Variants in PTPRM observed in about 807,000 individuals in gnomAD.
PTPRM encodes receptor-type tyrosine-protein phosphatase mu.
In PTPRM, 47 loss-of-function variants were observed where a neutral mutation model predicts 186.7. The observed-to-expected ratio is 0.25, with a 90% CI of 0.20 to 0.32. The LOEUF is 0.32. Ranked by LOEUF, PTPRM falls within the 10% of genes least tolerant of loss-of-function variation. PTPRM has a pLI of 1.00. For synonymous variants in PTPRM, 668 were observed against 674.9 expected (o/e 0.99, Z 0.16); for missense variants, 1,494 against 1,865.0 (o/e 0.80, Z 3.66).
chr18:8,262,383 A>T (rs2094642762), intron 19 of PTPRM, among the ~76,000 whole-genome samples: 1 of 152,240 alleles, frequency 6.6e-6, no homozygotes, highest in South Asian at 2.1e-4. Context: ...GAACCTCAGC[A>T]TAGCACATTC....
intron 7 of PTPRM, among the ~76,000 whole-genome samples, chr18:8,032,747 A>G (rs1308945561): frequency 6.6e-6 from 1 of 152,164 alleles, no homozygotes; most frequent in East Asian, 1.9e-4. Flanking sequence ...AATAGAAAAT[A>G]CAAGCATATT....
chr18:8,089,976 C>T (rs759101236), intron 11 of PTPRM, among the ~76,000 whole-genome samples: 1 of 152,144 alleles, frequency 6.6e-6, no homozygotes, highest in African/African-American at 2.4e-5. Flanking sequence ...CACAGTAGCT[C>T]ATATGAGGTT....
chr18:7,594,194 TAAA>T (rs1195287715), intron 1 of PTPRM, among the ~76,000 whole-genome samples: 2 of 152,084 alleles, frequency 1.3e-5, no homozygotes, highest in Non-Finnish European at 1.5e-5. Context: ...AAGTGGGTCA[TAAA>T]AAGAAAAGAA....
chr18:7,570,050 C>A (rs1002593706), intron 1 of PTPRM, among the ~76,000 whole-genome samples: 1 of 151,976 alleles, frequency 6.6e-6, no homozygotes, highest in African/African-American at 2.4e-5. Context: ...AGCTTGAGCC[C>A]AGGAGTTTGA....
At chr18:8,088,569 A>C (rs1227934789) in intron 10 of PTPRM, among the ~76,000 whole-genome samples, 180 bp from the exon 11 acceptor site, 1 of 152,202 alleles carries the variant, frequency 6.6e-6, no homozygotes, top group East Asian at 1.9e-4. Context: ...GGCTGCTTTT[A>C]GCAGCTGTCC....
intron 4 of PTPRM, among the ~76,000 whole-genome samples, chr18:7,913,293 C>G (rs1419574761): frequency 3.2e-5 from 4 of 124,198 alleles, no homozygotes; most frequent in African/African-American, 1.4e-4. Context: ...GTAGGTTTTC[C>G]AGATTCCTCT....
intron 1 of PTPRM, among the ~76,000 whole-genome samples, chr18:7,731,153 C>T (rs1247369713): frequency 1.4e-4 from 21 of 152,170 alleles, no homozygotes; most frequent in Admixed American, 1.2e-3. Context: ...AACAGCACTT[C>T]TTCATCAAGT....
rs1216361268 is a variant in PTPRM, at chr18:7,573,187, C to G, written c.73+5296C>G. Among the ~76,000 whole-genome samples, 9 of 152,296 alleles carry G rather than the reference C, an allele frequency of 5.9e-5. No homozygotes were observed. The East Asian group carries it at 1.7e-3, about 29-fold the overall frequency. On this transcript the variant is annotated intron_variant, in intron 1 of 32. Transcript: ENST00000580170. Reference sequence around the variant, plus strand: ...TTGTGTACTCAGGTGTGGGATGTGACAAGCTCTAGAGATCTTAGCAAGGGA... The same window carrying G: ...TTGTGTACTCAGGTGTGGGATGTGAGAAGCTCTAGAGATCTTAGCAAGGGA...
intron 5 of PTPRM, among the ~76,000 whole-genome samples, chr18:7,939,302 A>G (rs1300072977): frequency 3.2e-4 from 49 of 152,174 alleles, no homozygotes. Flanking sequence ...CTGCGTACTC[A>G]GAGCAGCTCC....
At chr18:7,716,336 T>G (rs1331611641) in intron 1 of PTPRM, among the ~76,000 whole-genome samples, 1 of 151,778 alleles carries the variant, frequency 6.6e-6, no homozygotes, top group Non-Finnish European at 1.5e-5. Flanking sequence ...AAAAATTAAC[T>G]CAAGATGGAT....
intron 19 of PTPRM, among the ~76,000 whole-genome samples, chr18:8,257,844 T>C (rs1199244947): frequency 6.6e-6 from 1 of 152,184 alleles, no homozygotes; most frequent in Non-Finnish European, 1.5e-5. Flanking sequence ...TTCTTTATCG[T>C]TTTCAAGACA....
At chr18:7,833,651 T>G (rs1268449373) in intron 2 of PTPRM, among the ~76,000 whole-genome samples, 1 of 151,926 alleles carries the variant, frequency 6.6e-6, no homozygotes, top group African/African-American at 2.4e-5. Flanking sequence ...GGAGAATCAC[T>G]TGAACCCAGG....
intron 32 of PTPRM, chr18:8,404,426 A>G (rs2095890810): frequency 6.6e-6 from 1 of 152,240 alleles, no homozygotes; most frequent in South Asian, 2.1e-4. Flanking sequence ...ATGGCTTGTC[A>G]TCATGTGTAC....
chr18:7,940,473 T>C (rs1275689515), intron 5 of PTPRM, among the ~76,000 whole-genome samples: 1 of 152,182 alleles, frequency 6.6e-6, no homozygotes, highest in Non-Finnish European at 1.5e-5. Context: ...GTGAAGTATT[T>C]GAGCAGTCCC....
chr18:7,572,257 G>C (rs529740166), intron 1 of PTPRM, among the ~76,000 whole-genome samples: 1 of 152,244 alleles, frequency 6.6e-6, no homozygotes, highest in Admixed American at 6.5e-5. Flanking sequence ...ATGGATAAGT[G>C]TGTATATAAT....
chr18:7,783,440 G>A (rs1010928936), intron 2 of PTPRM, among the ~76,000 whole-genome samples: 5 of 152,174 alleles, frequency 3.3e-5, no homozygotes, highest in African/African-American at 1.2e-4. Flanking sequence ...AGTCAGAGGG[G>A]TTAGTGGGTA....
At chr18:7,860,464 C>G (rs2047318972) in intron 2 of PTPRM, among the ~76,000 whole-genome samples, 1 of 152,022 alleles carries the variant, frequency 6.6e-6, no homozygotes, top group African/African-American at 2.4e-5. Flanking sequence ...GGGAAGAGTG[C>G]AGGGGGCGGG....
At chr18:8,075,446 G>T (rs760217629) in intron 8 of PTPRM, among the ~76,000 whole-genome samples, 1 of 151,978 alleles carries the variant, frequency 6.6e-6, no homozygotes, top group Non-Finnish European at 1.5e-5. Context: ...CAAAATATAT[G>T]CATATTTATA....
At chr18:8,232,069 G>A (rs977975620) in intron 14 of PTPRM, among the ~76,000 whole-genome samples, 2 of 152,178 alleles carry the variant, frequency 1.3e-5, no homozygotes, top group Non-Finnish European at 1.5e-5. Flanking sequence ...TGCTCTGCCT[G>A]TTTATCCCTC....
Sources: allele counts gnomAD v4.1 joint callset (sites outside exome capture counted in the v4.1 genomes callset), GRCh38; gene constraint gnomAD v4.1.1; transcripts MANE v1.5; gene names NCBI Gene and HGNC (gene_info 2026-07-23, HGNC 2026-07-21).